Variants in GRIN2D observed in about 807,000 individuals in gnomAD.
GRIN2D encodes the protein glutamate ionotropic receptor NMDA type subunit 2D.
A neutral mutation model predicts 103.2 loss-of-function variants in GRIN2D; 37 were observed. The observed-to-expected ratio is 0.36, with a 90% confidence interval of 0.28 to 0.47. GRIN2D has a LOEUF of 0.47. Ranked by LOEUF, GRIN2D falls within the 20% of genes least tolerant of loss-of-function variation. The pLI is 1.00. For missense variants in GRIN2D, 1,557 were observed against 1,910.6 expected, an observed-to-expected ratio of 0.81 and a Z score of 3.45; for synonymous variants, 845 against 885.6, an observed-to-expected ratio of 0.95 and a Z score of 0.81.
Position 48,414,594 on chromosome 19 carries a change from C to CG in GRIN2D, c.1412+13dup, listed in dbSNP as rs747121135. On this transcript the variant is annotated intron_variant, in intron 6 of 13. Coordinates refer to ENST00000263269, the MANE Select transcript of GRIN2D (RefSeq NM_000836.4). This position sits in a 1 kb window ranked among gnomAD's most constrained non-coding sequence, Gnocchi z 4.6. ...TCAACCGAACCCACAGGTGACAGCT[C>CG]GGGATCCAGGAGTTCCGGCTCCAAA... is the stretch of plus-strand genomic sequence containing the variant. 1 of 1,549,532 alleles carries CG rather than the reference C, an allele frequency of 6.5e-7. No individual in the cohort carries two copies. Among genetic ancestry groups the CG allele is most frequent in the South Asian group, 1.2e-5 (1 of 84,092 alleles).
At chr19:48,396,375 GC>G (rs1186997925) in intron 2 of GRIN2D, among the ~76,000 whole-genome samples, 1 of 152,082 alleles carries the variant, frequency 6.6e-6, no homozygotes, top group African/African-American at 2.4e-5. Flanking sequence ...GCCGGGGGCT[GC>G]CCTCCTGGGC....
intron 11 of GRIN2D, among the ~76,000 whole-genome samples, chr19:48,435,861 T>C (rs995622650): frequency 8.5e-5 from 13 of 152,210 alleles, no homozygotes; most frequent in Admixed American, 8.5e-4. Context: ...TAAATTCCAG[T>C]GAAGGGAGAC....
chr19:48,398,383 C>T lies in GRIN2D; in HGVS notation c.-10C>T. The T allele has an allele frequency of 8.9e-7, 1 of 1,121,864 alleles. No individual in the cohort carries two copies. Among genetic ancestry groups the T allele is most frequent in the Non-Finnish European group, 1.1e-6 (1 of 918,276 alleles). The allele number at this position is 1,121,864 out of a possible 1,614,324, so 69.5% of individuals were successfully genotyped here. On this transcript the variant is annotated 5_prime_UTR_variant, in exon 3 of 14. Coordinates refer to ENST00000263269, the MANE Select transcript of GRIN2D (RefSeq NM_000836.4). Reference sequence around the variant, plus strand: ...GGCGCTCAGAGGCCGCCCGGCGGGGCCCGCAGGCGATGCGCGGCGCCGGTG... The same window carrying T: ...GGCGCTCAGAGGCCGCCCGGCGGGGTCCGCAGGCGATGCGCGGCGCCGGTG...
chr19:48,426,304 C>T (rs1330608433), intron 11 of GRIN2D, among the ~76,000 whole-genome samples: 1 of 147,572 alleles, frequency 6.8e-6, no homozygotes, highest in Non-Finnish European at 1.5e-5. Flanking sequence ...CGGCTCACTG[C>T]AATCTCCGTC....
chr19:48,425,050 A>C (rs1971071650), intron 11 of GRIN2D, among the ~76,000 whole-genome samples: 1 of 151,486 alleles, frequency 6.6e-6, no homozygotes, highest in Non-Finnish European at 1.5e-5. Flanking sequence ...CTCTCACACA[A>C]AACAGGGTGC....
chr19:48,421,901 C>T lies in GRIN2D; in HGVS notation c.2208C>T (p.Tyr736=). 6.2e-7 allele frequency: 1 copy of T among 1,614,134 alleles called. No individual in the cohort carries two copies. The highest frequency in any genetic ancestry group is 8.5e-7 in the Non-Finnish European group (1 of 1,180,018). Residue 736 remains tyrosine (Y), a synonymous_variant, in exon 11 of 14, where the codon TAC becomes TAT. Transcript: ENST00000263269. This position sits in a 1 kb window ranked among gnomAD's most constrained non-coding sequence, Gnocchi z 4.8. ...YPDMHSYMVR[Y]NQPRVEEALT... ...ACATGCACAGCTACATGGTGCGCTACAACCAGCCCCGCGTAGAGGAAGCGC... is the reference window on the plus strand; with the variant it reads ...ACATGCACAGCTACATGGTGCGCTATAACCAGCCCCGCGTAGAGGAAGCGC...
chr19:48,422,971 G>A (rs1286065703), intron 11 of GRIN2D, among the ~76,000 whole-genome samples: 2 of 152,128 alleles, frequency 1.3e-5, no homozygotes, highest in Admixed American at 6.5e-5. Context: ...AGGCTCTTGG[G>A]AGGCCGAGAC....
At chr19:48,412,591 C>T (rs1970886608) in intron 4 of GRIN2D, among the ~76,000 whole-genome samples, 1 of 150,406 alleles carries the variant, frequency 6.6e-6, no homozygotes, top group Non-Finnish European at 1.5e-5. Flanking sequence ...AGTTCGAGAC[C>T]ACCCTGGTCA....
chr19:48,437,296 G>A (rs904612775), intron 11 of GRIN2D, among the ~76,000 whole-genome samples: 2 of 151,914 alleles, frequency 1.3e-5, no homozygotes, highest in Non-Finnish European at 2.9e-5. Context: ...AATTTTTAAA[G>A]TTTTTGTAGA....
At position 48,444,422 on chromosome 19, in the gene GRIN2D, C is replaced by A. The variant is rs1971357311; in HGVS notation, c.*485C>A. ...ACCTTGGCCCCGCCACACAGAAACC[C>A]CTGACCCAGACTGTGACATCCGACT... On this transcript the variant is annotated 3_prime_UTR_variant, in exon 14 of 14. Coordinates refer to ENST00000263269, the MANE Select transcript of GRIN2D (RefSeq NM_000836.4). The surrounding 1 kb of genome is among the most constrained non-coding windows in gnomAD (Gnocchi z 5.5). 6.5e-6 allele frequency: 1 copy of A among 153,452 alleles called. No individual in the cohort carries two copies. Among genetic ancestry groups the A allele is most frequent in the Non-Finnish European group, 1.5e-5 (1 of 68,816 alleles). The allele number at this position is 153,452 out of a possible 1,614,324, so 9.5% of individuals were successfully genotyped here. A position where few individuals can be genotyped will look rare whatever the true frequency, so the allele number is the denominator to read the frequency against.
At chr19:48,435,610 A>G (rs1475832843) in intron 11 of GRIN2D, among the ~76,000 whole-genome samples, 3 of 152,016 alleles carry the variant, frequency 2.0e-5, no homozygotes, top group African/African-American at 7.2e-5. Flanking sequence ...ACACCCGGCT[A>G]ATTTTTGTAT....
At chr19:48,436,204 G>A (rs1387768372) in intron 11 of GRIN2D, among the ~76,000 whole-genome samples, 1 of 152,200 alleles carries the variant, frequency 6.6e-6, no homozygotes, top group Non-Finnish European at 1.5e-5. Context: ...GAGCATTTGG[G>A]AACCAGAGTT....
chr19:48,431,240 G>C (rs1354759485), intron 11 of GRIN2D, among the ~76,000 whole-genome samples: 1 of 152,192 alleles, frequency 6.6e-6, no homozygotes, highest in Non-Finnish European at 1.5e-5. Context: ...TTTGGATCCT[G>C]TTGTAGCACA....
chr19:48,423,278 T>C (rs1036128418), intron 11 of GRIN2D, among the ~76,000 whole-genome samples: 3 of 152,154 alleles, frequency 2.0e-5, no homozygotes, highest in Non-Finnish European at 4.4e-5. Flanking sequence ...ACAACAAGGC[T>C]GAGCACAGTA....
At chr19:48,416,779 C>T (rs1015242632) in intron 8 of GRIN2D, among the ~76,000 whole-genome samples, 4 of 148,544 alleles carry the variant, frequency 2.7e-5, no homozygotes, top group Admixed American at 2.1e-4. Flanking sequence ...CTCACTCTGT[C>T]GCCCAGGCTG....
intron 4 of GRIN2D, among the ~76,000 whole-genome samples, chr19:48,413,661 C>CAAAAA (rs11368422): frequency 1.7e-5 from 1 of 57,286 alleles, no homozygotes. Flanking sequence ...GACTCTGTCT[C>CAAAAA]AAAAAAAAAA....
chr19:48,402,759 C>G (rs944473208), intron 3 of GRIN2D, among the ~76,000 whole-genome samples: 12 of 94,590 alleles, frequency 1.3e-4, no homozygotes, highest in Non-Finnish European at 2.1e-4. Flanking sequence ...ATTCTTTACT[C>G]CTTTACGAGA....
chr19:48,403,135 G>T (rs1386775180), intron 3 of GRIN2D, among the ~76,000 whole-genome samples: 2 of 149,244 alleles, frequency 1.3e-5, no homozygotes, highest in Non-Finnish European at 3.0e-5. Context: ...GGAGGCAGAG[G>T]TTGCAGTGAG....
chr19:48,442,996 T>G lies in GRIN2D; in HGVS notation c.3070T>G (p.Phe1024Val). The G allele has an allele frequency of 9.2e-7, 1 of 1,082,138 alleles. No homozygotes were observed. The highest frequency in any genetic ancestry group is 1.1e-6 in the Non-Finnish European group (1 of 890,908). 67.0% of individuals were successfully genotyped at this position (1,082,138 alleles called of 1,614,324 possible). A position where few individuals can be genotyped will look rare whatever the true frequency, so the allele number is the denominator to read the frequency against. ...GCCAGCCGAGCCCCCCGCCGGCGCC[T>G]TCCCCGGCTTCCCGTCGCCGCCCGC... ...KEPAEPPAGAFPGFPSPPAPP... is the reference protein window; with the variant it reads ...KEPAEPPAGAVPGFPSPPAPP... Residue 1024 changes from phenylalanine to valine, a missense_variant, in exon 14 of 14, where the codon TTC (phenylalanine) becomes GTC (valine). By Grantham distance (50) the Phe-to-Val change is conservative. This residue lies in a region of GRIN2D where 632 missense variants were observed against 572.8 expected (regional missense o/e 1.10). Transcript: ENST00000263269. The surrounding 1 kb of genome is among the most constrained non-coding windows in gnomAD (Gnocchi z 7.2).
Sources: allele counts gnomAD v4.1 joint callset (sites outside exome capture counted in the v4.1 genomes callset), GRCh38; gene constraint gnomAD v4.1.1; regional missense constraint gnomAD v4.1.1; non-coding constraint Gnocchi (gnomAD v3.1); transcripts MANE v1.5; gene names NCBI Gene and HGNC (gene_info 2026-07-23, HGNC 2026-07-21).